TMC4: variants seen among roughly 807,000 people sequenced by gnomAD.
The protein encoded by TMC4 is transmembrane channel like 4.
TMC4 carries 70 observed loss-of-function variants against 82.0 expected under a neutral mutation model. The ratio of observed to expected loss-of-function variants is 0.85; its 90% CI spans 0.70 to 1.04. The LOEUF (loss-of-function observed/expected upper bound fraction) is 1.04, where lower values mean the gene tolerates loss of function less well. Among genes scored for constraint, TMC4 ranks in the 50% least tolerant of loss-of-function variants. TMC4 has a pLI of 0.00. For synonymous variants in TMC4, 446 were observed against 406.0 expected (o/e 1.10, Z -1.18); for missense variants, 879 against 899.0 (o/e 0.98, Z 0.28).
Position 54,170,404 on chromosome 19 carries a change from G to A in TMC4, c.294-744C>T, listed in dbSNP as rs528523754. ...TGTGAGGAAAAAGGGGGTGTCAGGG[G>A]AGGGACGCACAGGGTGCTGTCATGC... On this transcript the variant is annotated intron_variant, in intron 2 of 14. Coordinates refer to ENST00000619895, the MANE Select transcript of TMC4 (RefSeq NM_144686.4). 8.0e-4 allele frequency among the ~76,000 whole-genome samples: 122 copies of A among 152,100 alleles called. 1 individual carries two copies. Among genetic ancestry groups the A allele is most frequent in the African/African-American group, 2.9e-3 (120 of 41,488 alleles).
At chr19:54,170,889 T>G (rs891265975) in intron 2 of TMC4, among the ~76,000 whole-genome samples, 11 of 152,116 alleles carry the variant, frequency 7.2e-5, no homozygotes, top group African/African-American at 2.7e-4. Flanking sequence ...ACTTGTATTA[T>G]TTTTTGTCAT....
intron 5 of TMC4, 24 bp downstream of exon 5, chr19:54,168,147 G>T (rs769644191): frequency 5.6e-6 from 9 of 1,593,864 alleles, no homozygotes; most frequent in Non-Finnish European, 7.7e-6. Flanking sequence ...CCCGTCAGGG[G>T]TCAGGGGTGC....
Position 54,169,586 on chromosome 19 carries a change from C to T in TMC4, c.368G>A (p.Arg123Gln), listed in dbSNP as rs748668730. ...TKTDRWARLLRRSKEKTKEGL... is the reference protein window; with the variant it reads ...TKTDRWARLLQRSKEKTKEGL... ...TTCCTTTGTTTTCTCCTTGGACCTCCGAAGTAGCCGCGCCCATCGGTCCGT... is the reference window on the plus strand; with the variant it reads ...TTCCTTTGTTTTCTCCTTGGACCTCTGAAGTAGCCGCGCCCATCGGTCCGT... The change falls in exon 3 of 15, where the codon CGG (arginine) becomes CAG (glutamine). Residue 123 changes from arginine (R) to glutamine (Q), a missense_variant. Physicochemically the swap from Arg to Gln is conservative, Grantham distance 43. Coordinates refer to ENST00000619895, the MANE Select transcript of TMC4 (RefSeq NM_144686.4). 1.5e-5 allele frequency: 25 copies of T among 1,613,898 alleles called. No homozygotes were observed. The highest frequency in any genetic ancestry group is 6.7e-5 in the East Asian group (3 of 44,876).
chr19:54,163,997 CAG>C (rs2075638113), intron 7 of TMC4, 110 bp from the exon 8 acceptor site: 14 of 1,153,760 alleles, frequency 1.2e-5, no homozygotes, highest in East Asian at 2.6e-5. Flanking sequence ...TTTTTTGAGA[CAG>C]AGTCTCGCTC....
Position 54,168,478 on chromosome 19 carries a change from G to A in TMC4, c.645C>T (p.Ala215=), listed in dbSNP as rs753269698. The change falls in exon 4 of 15, where the codon GCC becomes GCT. Residue 215 remains alanine, a synonymous_variant. Coordinates refer to ENST00000619895, the MANE Select transcript of TMC4 (RefSeq NM_144686.4). ...CCGAGAGCAAGTTGAAGAGCTGGGT[G>A]GCAAAGGTGACCAGGCCCTGGGAGT... is the stretch of plus-strand genomic sequence containing the variant. The part of the protein sequence containing the change: ...NPHSQGLVTF[A]TQLFNLLSGE... 30 of 1,546,668 alleles carry A rather than the reference G, an allele frequency of 1.9e-5. No homozygotes were observed. The South Asian group carries it at 3.3e-4, about 17-fold the overall frequency.
In TMC4 at chr19:54,162,191, G is replaced by A. The variant is rs2075572031; in HGVS notation, c.1597C>T (p.Gln533Ter). 3 of 1,613,616 alleles carry A rather than the reference G, an allele frequency of 1.9e-6. No individual in the cohort carries two copies. Among genetic ancestry groups the A allele is most frequent in the South Asian group, 1.1e-5 (1 of 91,002 alleles). ...AAACTCCCCACCCAGACCACCGTCT[G>A]CGCGTAGATGAGCCCCAGCACCTCG... Reference protein sequence around the residue: ...PDEVLGLIYAQTVVWVGSFFC... With the variant: ...PDEVLGLIYA Residue 533 changes from glutamine (Q) to a stop codon, truncating the protein, a stop_gained, in exon 11 of 15, where the codon CAG becomes TAG. Coordinates refer to ENST00000619895, the MANE Select transcript of TMC4 (RefSeq NM_144686.4). LOFTEE classifies it high-confidence loss of function.
chr19:54,168,807 C>CTT (rs1263123856), intron 3 of TMC4, 127 bp from the exon 4 acceptor site: 1 of 34,460 alleles, frequency 2.9e-5, no homozygotes. Flanking sequence ...CTTTTCTTTT[C>CTT]TTTTCTTTTC....
In TMC4 at chr19:54,169,518, T is replaced by G; in HGVS notation, c.436A>C (p.Ile146Leu). Residue 146 changes from isoleucine to leucine, a missense_variant, in exon 3 of 15, where the codon ATC becomes CTC. Physicochemically the swap from Ile to Leu is conservative, Grantham distance 5. Transcript: ENST00000619895. ...LQPWAWTLKRIGGQFGAGTES... is the reference protein window; with the variant it reads ...LQPWAWTLKRLGGQFGAGTES... ...CACCCAAACCCCACCGCACCCCCGATCCTCTTCAGTGTCCACGCCCAGGGC... is the reference window on the plus strand; with the variant it reads ...CACCCAAACCCCACCGCACCCCCGAGCCTCTTCAGTGTCCACGCCCAGGGC... The G allele has an allele frequency of 6.2e-7, 1 of 1,610,560 alleles. No homozygotes were observed. The highest frequency in any genetic ancestry group is 2.2e-5 in the East Asian group (1 of 44,668).
At chr19:54,161,917 G>A (rs549770389) in intron 11 of TMC4, among the ~76,000 whole-genome samples, 185 bp downstream of exon 11, 2 of 151,980 alleles carry the variant, frequency 1.3e-5, no homozygotes, top group African/African-American at 4.8e-5. Flanking sequence ...TGAGTCCCCA[G>A]ATCCTCAGAC....
rs766687982 is a variant in TMC4 at position 54,168,569 on chromosome 19, A to T, written c.554T>A (p.Leu185Ter). ...MACMTLLPTW[L>*]GGAPPGPPGP... The stretch of plus-strand genomic sequence containing the variant: ...GGGAGGGCCTGGGGGAGCGCCTCCC[A>T]ACCAGGTGGGCAGCAGCGTCATGCA... The change falls in exon 4 of 15, where the codon TTG becomes TAG. Residue 185 changes from leucine (L) to a stop codon, truncating the protein, a stop_gained. Coordinates refer to ENST00000619895, the MANE Select transcript of TMC4 (RefSeq NM_144686.4). LOFTEE classifies it high-confidence loss of function. The T allele has an allele frequency of 3.2e-6, 5 of 1,583,108 alleles. No homozygotes were observed. Among genetic ancestry groups the T allele is most frequent in the Non-Finnish European group, 4.3e-6 (5 of 1,165,218 alleles).
intron 10 of TMC4, among the ~76,000 whole-genome samples, 154 bp downstream of exon 10, chr19:54,162,519 A>AGGGCGGG (rs1434836509): frequency 6.6e-6 from 1 of 151,798 alleles, no homozygotes; most frequent in Non-Finnish European, 1.5e-5. Flanking sequence ...CACTAAAACA[A>AGGGCGGG]GGGCGGGGAG....
chr19:54,168,667 G>C lies in TMC4; in HGVS notation c.456C>G (p.Ala152=). 1 of 1,544,842 alleles carries C rather than the reference G, an allele frequency of 6.5e-7. No homozygotes were observed. Among genetic ancestry groups the C allele is most frequent in the Non-Finnish European group, 8.7e-7 (1 of 1,144,108 alleles). ...TLKRIGGQFG[A]GTESYFSLLR... ...GCAGGGAGAAGTAGGACTCCGTGCCGGCGCCAAACTGGCCTGCAGGGGGCA... is the reference window on the plus strand; with the variant it reads ...GCAGGGAGAAGTAGGACTCCGTGCCCGCGCCAAACTGGCCTGCAGGGGGCA... Residue 152 remains alanine (A), a synonymous_variant, in exon 4 of 15, where the codon GCC becomes GCG. Coordinates refer to ENST00000619895, the MANE Select transcript of TMC4 (RefSeq NM_144686.4).
intron 2 of TMC4, 97 bp from the exon 3 acceptor site, chr19:54,169,757 A>G: frequency 3.3e-6 from 5 of 1,502,698 alleles, no homozygotes; most frequent in Non-Finnish European, 4.5e-6. Context: ...GGAGAAGTAA[A>G]TTGTGGCCTA....
intron 5 of TMC4, among the ~76,000 whole-genome samples, chr19:54,166,796 A>T (rs1464795590): frequency 2.0e-5 from 3 of 152,058 alleles, no homozygotes; most frequent in Admixed American, 6.5e-5. Context: ...TCTACTAAAA[A>T]TACAAAATTA....
In TMC4 at chr19:54,164,086, T is replaced by C. The variant is rs867378187; in HGVS notation, c.1114-199A>G. On this transcript the variant is annotated intron_variant, in intron 7 of 14. Coordinates refer to ENST00000619895, the MANE Select transcript of TMC4 (RefSeq NM_144686.4). ...GCCTCCCGGGTTCAAGTGATTCTCC[T>C]GCCTCAGCCTCCTGAGTAGCTGGGA... is the stretch of plus-strand genomic sequence containing the variant. Among the ~76,000 whole-genome samples the C allele has an allele frequency of 1.9e-4, 28 of 151,184 alleles. No individual in the cohort carries two copies. In the Middle Eastern group the frequency reaches 0.014, roughly 74 times the overall value.
Position 54,173,121 on chromosome 19 carries a change from C to T in TMC4, c.-4G>A. The T allele has an allele frequency of 6.7e-7, 1 of 1,485,610 alleles. No individual in the cohort carries two copies. The highest frequency in any genetic ancestry group is 8.9e-7 in the Non-Finnish European group (1 of 1,123,590). 92.0% of individuals were successfully genotyped at this position (1,485,610 alleles called of 1,614,324 possible). A position where few individuals can be genotyped will look rare whatever the true frequency, so the allele number is the denominator to read the frequency against. The stretch of plus-strand genomic sequence containing the variant: ...CCAAGGTCGGGTTTTCTTCCATGGC[C>T]CCAGGCTGGGCTGTCTCTAGTGGCC... On this transcript the variant is annotated 5_prime_UTR_variant, in exon 1 of 15. Coordinates refer to ENST00000619895, the MANE Select transcript of TMC4 (RefSeq NM_144686.4).
chr19:54,160,640 C>G, intron 13 of TMC4, 95 bp from the exon 14 acceptor site: 1 of 1,574,950 alleles, frequency 6.3e-7, no homozygotes, highest in Non-Finnish European at 8.6e-7. Flanking sequence ...GACGCCTAAG[C>G]CCCTCCTCGT....
In TMC4 at chr19:54,173,141, G is replaced by C; in HGVS notation, c.-24C>G. ...ATGGCCCCAGGCTGGGCTGTCTCTA[G>C]TGGCCACCAGGCAGACACTGCCCCA... On this transcript the variant is annotated 5_prime_UTR_variant, in exon 1 of 15. Transcript: ENST00000619895. 6.2e-7 allele frequency: 1 copy of C among 1,611,214 alleles called. No homozygotes were observed. The highest frequency in any genetic ancestry group is 8.5e-7 in the Non-Finnish European group (1 of 1,177,818).
In TMC4 at chr19:54,163,021, T is replaced by C. The variant is rs759337822; in HGVS notation, c.1404+12A>G. ...GACCCAAGAGTCCCACGCACACCCATGCCGTTCTCACCGGAAGTTGTTTGT... is the reference window on the plus strand; with the variant it reads ...GACCCAAGAGTCCCACGCACACCCACGCCGTTCTCACCGGAAGTTGTTTGT... On this transcript the variant is annotated intron_variant, in intron 9 of 14. Coordinates refer to ENST00000619895, the MANE Select transcript of TMC4 (RefSeq NM_144686.4). 9 of 1,614,112 alleles carry C rather than the reference T, an allele frequency of 5.6e-6. No homozygotes were observed. Among genetic ancestry groups the C allele is most frequent in the Non-Finnish European group, 7.6e-6 (9 of 1,180,004 alleles).
Sources: allele counts gnomAD v4.1 joint callset (sites outside exome capture counted in the v4.1 genomes callset), GRCh38; gene constraint gnomAD v4.1.1; transcripts MANE v1.5; gene names NCBI Gene and HGNC (gene_info 2026-07-23, HGNC 2026-07-21).